Variants in PHF21A observed in about 807,000 individuals in gnomAD.
PHF21A encodes BHC80a.
PHF21A carries 11 observed loss-of-function variants against 82.5 expected under a neutral mutation model. That is an observed-to-expected ratio of 0.13 (90% CI 0.08 to 0.22). The LOEUF (loss-of-function observed/expected upper bound fraction) is 0.22. Among genes scored for constraint, PHF21A ranks in the 10% least tolerant of loss-of-function variants. The probability of loss-of-function intolerance (pLI) is 1.00; values close to 1 mark genes in which losing one functional copy is unlikely to be tolerated. For missense variants in PHF21A, 579 were observed against 837.8 expected (o/e 0.69, Z 3.81); for synonymous variants, 297 against 302.8 (o/e 0.98, Z 0.20).
chr11:45,935,091 C>T (rs373014908), intron 18 of PHF21A: 3 of 1,287,602 alleles, frequency 2.3e-6, no homozygotes, highest in Non-Finnish European at 1.0e-6. Flanking sequence ...CTCTTTCCCA[C>T]TTGGACAGGC....
chr11:46,099,554 A>C (rs2097059535), intron 1 of PHF21A, among the ~76,000 whole-genome samples: 1 of 151,278 alleles, frequency 6.6e-6, no homozygotes. Context: ...ACACACACAC[A>C]CACACACACC....
At chr11:46,108,597 T>C (rs2097177900) in intron 1 of PHF21A, among the ~76,000 whole-genome samples, 1 of 147,598 alleles carries the variant, frequency 6.8e-6, no homozygotes, top group Non-Finnish European at 1.5e-5. Context: ...AAAATACATA[T>C]GTAAATGCAC....
intron 14 of PHF21A, 84 bp from the exon 15 acceptor site, chr11:45,946,087 G>A (rs1591054166): frequency 1.2e-6 from 2 of 1,614,062 alleles, no homozygotes; most frequent in Non-Finnish European, 1.7e-6. Context: ...TTTGGCCAGT[G>A]TTCCTCATTG....
chr11:45,940,527 A>G (rs1341270660), intron 15 of PHF21A, among the ~76,000 whole-genome samples: 2 of 152,210 alleles, frequency 1.3e-5, no homozygotes, highest in African/African-American at 4.8e-5. Context: ...AAATGTGACC[A>G]CTGGACAGTA....
At chr11:45,946,116 G>A (rs1430946838) in intron 14 of PHF21A, 113 bp from the exon 15 acceptor site, 1 of 1,613,146 alleles carries the variant, frequency 6.2e-7, no homozygotes, top group Admixed American at 1.7e-5. Flanking sequence ...GGAAAAGGAA[G>A]TGAGGTAGCA....
intron 10 of PHF21A, among the ~76,000 whole-genome samples, chr11:45,955,469 C>CA (rs1386820881): frequency 6.6e-6 from 1 of 152,092 alleles, no homozygotes; most frequent in Non-Finnish European, 1.5e-5. Flanking sequence ...AAAAGAAGGT[C>CA]AACTATAAGG....
intron 9 of PHF21A, among the ~76,000 whole-genome samples, chr11:45,967,966 C>A (rs751203422): frequency 5.9e-5 from 9 of 152,192 alleles, no homozygotes; most frequent in Non-Finnish European, 1.2e-4. Context: ...TTACAATCCA[C>A]TAAACTGCTT....
At chr11:46,101,476 A>T (rs1231714708) in intron 1 of PHF21A, among the ~76,000 whole-genome samples, 1 of 152,242 alleles carries the variant, frequency 6.6e-6, no homozygotes, top group Non-Finnish European at 1.5e-5. Context: ...GGGAATAGGT[A>T]CGTGGGGTTA....
intron 17 of PHF21A, among the ~76,000 whole-genome samples, chr11:45,936,168 T>C (rs1036617077): frequency 3.6e-4 from 54 of 152,088 alleles, no homozygotes; most frequent in African/African-American, 1.3e-3. Context: ...GTCTCAGCTA[T>C]TTGGGAGGCT....
rs1471447290 is a variant in PHF21A at position 46,070,300 on chromosome 11, T to C, written c.153+6454A>G. Reference sequence around the variant, plus strand: ...ACCCAGAAAAGTATTTCATCTAATATTATATTGAAAAGATCTGTAAGAAAT... The same window carrying C: ...ACCCAGAAAAGTATTTCATCTAATACTATATTGAAAAGATCTGTAAGAAAT... On this transcript the variant is annotated intron_variant, in intron 6 of 18. Transcript: ENST00000676320. 2.0e-5 allele frequency among the ~76,000 whole-genome samples: 3 copies of C among 152,246 alleles called. No individual in the cohort carries two copies. In the East Asian group the frequency reaches 5.8e-4, roughly 29 times the overall value.
chr11:45,979,525 C>T (rs898677178), intron 7 of PHF21A, among the ~76,000 whole-genome samples: 6 of 152,270 alleles, frequency 3.9e-5, no homozygotes, highest in Non-Finnish European at 7.4e-5. Context: ...TACCTTTCTC[C>T]CCTTCTTCAG....
chr11:46,073,122 A>G (rs2096673981), intron 6 of PHF21A, among the ~76,000 whole-genome samples: 1 of 152,024 alleles, frequency 6.6e-6, no homozygotes. Context: ...AGGTCAGGAG[A>G]TCTAGACCAT....
chr11:45,935,283 T>C (rs1203315844), intron 18 of PHF21A: 1 of 1,311,270 alleles, frequency 7.6e-7, no homozygotes, highest in East Asian at 5.0e-5. Context: ...GGTCTGTGTC[T>C]GCTCAGTGTC....
At chr11:46,080,709 C>T (rs2096781187) in intron 4 of PHF21A, among the ~76,000 whole-genome samples, 1 of 152,014 alleles carries the variant, frequency 6.6e-6, no homozygotes, top group Admixed American at 6.6e-5. Context: ...GTTCTGTCAC[C>T]CAGGCTGGAG....
intron 1 of PHF21A, among the ~76,000 whole-genome samples, chr11:46,097,745 T>A (rs1382426718): frequency 6.6e-6 from 1 of 152,112 alleles, no homozygotes; most frequent in African/African-American, 2.4e-5. Context: ...AAAGTGTTTA[T>A]CCTCTTTCTC....
intron 15 of PHF21A, among the ~76,000 whole-genome samples, chr11:45,944,485 T>TGGA (rs2090967501): frequency 6.6e-6 from 1 of 152,192 alleles, no homozygotes; most frequent in Non-Finnish European, 1.5e-5. Flanking sequence ...AACCCTGTAA[T>TGGA]GGTCTCCCAT....
chr11:46,061,430 T>C (rs2096533648), intron 6 of PHF21A, among the ~76,000 whole-genome samples: 1 of 152,168 alleles, frequency 6.6e-6, no homozygotes, highest in Non-Finnish European at 1.5e-5. Context: ...TAAACCCATA[T>C]TTAAGGCTTG....
chr11:46,084,116 C>T (rs1166496230), intron 4 of PHF21A, 50 bp downstream of exon 4: 2 of 1,271,916 alleles, frequency 1.6e-6, no homozygotes, highest in African/African-American at 1.5e-5. Flanking sequence ...GTTTACTAAT[C>T]TTAGCCATTA....
At chr11:46,089,531 G>A (rs2096898372) in intron 3 of PHF21A, among the ~76,000 whole-genome samples, 1 of 151,866 alleles carries the variant, frequency 6.6e-6, no homozygotes, top group Admixed American at 6.6e-5. Flanking sequence ...ACACTCCACA[G>A]GTGAACAGAA....
Sources: gnomAD v4.1 joint callset for allele counts (sites outside exome capture counted in the v4.1 genomes callset) on GRCh38, gnomAD v4.1.1 for gene constraint, MANE v1.5 for transcripts, NCBI Gene and HGNC (gene_info 2026-07-23, HGNC 2026-07-21) for gene names.